The following ACSBG2 variants were observed in gnomAD, a reference collection of about 807,000 sequenced individuals.
ACSBG2 encodes long-chain-fatty-acid--CoA ligase ACSBG2.
Under a neutral mutation model 74.7 loss-of-function variants are expected in ACSBG2, and 62 were observed. That is an observed-to-expected ratio of 0.83 (90% CI 0.68 to 1.03). The LOEUF (loss-of-function observed/expected upper bound fraction) is 1.03, where lower values mean the gene tolerates loss of function less well. Ranked by LOEUF, ACSBG2 falls within the 50% of genes least tolerant of loss-of-function variation. The pLI, the probability that ACSBG2 is intolerant of heterozygous loss-of-function variation, is 0.00. For synonymous variants in ACSBG2, 309 were observed against 294.1 expected, an observed-to-expected ratio of 1.05 and a Z score of -0.52; for missense variants, 730 against 817.6, an observed-to-expected ratio of 0.89 and a Z score of 1.31.
chr19:6,143,465 A>G (rs1256122080), intron 2 of ACSBG2, among the ~76,000 whole-genome samples: 1 of 152,104 alleles, frequency 6.6e-6, no homozygotes, highest in Non-Finnish European at 1.5e-5. Context: ...AGATGATGCC[A>G]TGATGTCATC....
chr19:6,183,303 T>C (rs573323680), intron 10 of ACSBG2, 31 bp downstream of exon 10: 11 of 1,592,804 alleles, frequency 6.9e-6, no homozygotes, highest in East Asian at 2.2e-5. Context: ...CCCCTGCTCC[T>C]CCCATAACAT....
chr19:6,155,784 T>C (rs7258273), intron 4 of ACSBG2, among the ~76,000 whole-genome samples: 98,496 of 138,722 alleles, frequency 0.71, 35,023 homozygotes, highest in Admixed American at 0.74. Flanking sequence ...AGCTAGACCC[T>C]GTCTCAAAAA....
intron 2 of ACSBG2, among the ~76,000 whole-genome samples, chr19:6,142,499 TC>T (rs946125410): frequency 5.9e-5 from 9 of 151,922 alleles, no homozygotes; most frequent in African/African-American, 2.2e-4. Context: ...ACACCCGTAA[TC>T]CCAGCACTGT....
chr19:6,147,560 T>C lies in ACSBG2; in HGVS notation c.182T>C (p.Val61Ala), dbSNP rs1293537498. The change falls in exon 3 of 15, where the codon GTC (valine) becomes GCC (alanine). Residue 61 changes from valine (V) to alanine (A), a missense_variant. Coordinates refer to ENST00000588485, the MANE Select transcript of ACSBG2 (RefSeq NM_030924.5). ...MTIPEFFRES[V>A]NRFGTYPALA... ...ATCCCTGAATTTTTTCGAGAGTCAG[T>C]CAACCGATTTGGAACTTATCCAGCC... The C allele has an allele frequency of 6.2e-7, 1 of 1,614,172 alleles. No homozygotes were observed. Among genetic ancestry groups the C allele is most frequent in the Admixed American group, 1.7e-5 (1 of 60,000 alleles).
At chr19:6,153,735 C>T (rs958330331) in intron 4 of ACSBG2, among the ~76,000 whole-genome samples, 6 of 152,060 alleles carry the variant, frequency 3.9e-5, no homozygotes, top group Non-Finnish European at 7.3e-5. Context: ...GTAGTCCCAA[C>T]TACTTGGGAG....
chr19:6,161,654 G>A, intron 6 of ACSBG2: 1 of 195,406 alleles, frequency 5.1e-6, no homozygotes, highest in Non-Finnish European at 1.1e-5. Flanking sequence ...TGTGGGTGGG[G>A]CTTCATAAAT....
intron 7 of ACSBG2, among the ~76,000 whole-genome samples, chr19:6,166,558 C>A (rs2089815916): frequency 6.6e-6 from 1 of 152,140 alleles, no homozygotes. Flanking sequence ...AGGTGATCCA[C>A]CGCCTTGGCC....
intron 10 of ACSBG2, among the ~76,000 whole-genome samples, chr19:6,185,111 A>G (rs1021456098): frequency 9.2e-5 from 14 of 151,854 alleles, no homozygotes; most frequent in African/African-American, 3.4e-4. Context: ...ATTTTTGTAG[A>G]GACGGGGTCT....
At position 6,183,028 on chromosome 19, in the gene ACSBG2, C is replaced by T. The variant is rs2090304214; in HGVS notation, c.1089-11C>T. ...CAGCCCTTCTCCACTTGACGGCATTCTTATTCACAGGAAATATAATACTCC... is the reference window on the plus strand; with the variant it reads ...CAGCCCTTCTCCACTTGACGGCATTTTTATTCACAGGAAATATAATACTCC... On this transcript the variant is annotated splice_polypyrimidine_tract_variant and intron_variant, in intron 9 of 14. Coordinates refer to ENST00000588485, the MANE Select transcript of ACSBG2 (RefSeq NM_030924.5). 6.2e-7 allele frequency: 1 copy of T among 1,613,862 alleles called. No individual in the cohort carries two copies. The highest frequency in any genetic ancestry group is 1.3e-5 in the African/African-American group (1 of 74,916).
intron 1 of ACSBG2, among the ~76,000 whole-genome samples, chr19:6,138,370 G>A (rs1291613191): frequency 1.3e-5 from 2 of 151,738 alleles, no homozygotes; most frequent in African/African-American, 4.8e-5. Context: ...CAGGCTCCTG[G>A]GAGGAAGCTT....
At chr19:6,177,957 A>G (rs61482961) in intron 8 of ACSBG2, among the ~76,000 whole-genome samples, 3,093 of 151,934 alleles carry the variant, frequency 0.02, 108 homozygotes, top group African/African-American at 0.07. Context: ...TCCAAAAAAC[A>G]GGAGTTTTTG....
intron 1 of ACSBG2, among the ~76,000 whole-genome samples, chr19:6,136,327 C>T (rs908402213): frequency 4.6e-5 from 7 of 152,044 alleles, no homozygotes; most frequent in Admixed American, 2.0e-4. Context: ...CTCCTGACCT[C>T]GTGATCCACC....
At chr19:6,190,940 C>T (rs1399249416) in intron 14 of ACSBG2, 3 of 275,138 alleles carry the variant, frequency 1.1e-5, no homozygotes, top group Non-Finnish European at 2.1e-5. Flanking sequence ...TAAACTCCTT[C>T]AGCTGGCCAC....
intron 14 of ACSBG2, 84 bp downstream of exon 14, chr19:6,190,776 C>A (rs1200676376): frequency 6.7e-6 from 5 of 741,078 alleles, no homozygotes; most frequent in Non-Finnish European, 1.2e-5. Flanking sequence ...AGATCTGTGA[C>A]TGGAACTGCA....
intron 5 of ACSBG2, 102 bp downstream of exon 5, chr19:6,156,653 G>T: frequency 7.8e-7 from 1 of 1,287,032 alleles, no homozygotes; most frequent in Non-Finnish European, 1.0e-6. Flanking sequence ...TGATAAGATA[G>T]GGCCATGCAT....
chr19:6,144,164 A>T (rs564818954), intron 2 of ACSBG2, among the ~76,000 whole-genome samples: 5 of 152,126 alleles, frequency 3.3e-5, no homozygotes, highest in African/African-American at 1.2e-4. Flanking sequence ...CGCCTGGCTA[A>T]TTTTTGTATT....
At chr19:6,142,215 G>A (rs1231449467) in intron 2 of ACSBG2, among the ~76,000 whole-genome samples, 1 of 152,150 alleles carries the variant, frequency 6.6e-6, no homozygotes, top group African/African-American at 2.4e-5. Flanking sequence ...TGGTGAGCCC[G>A]AGTGGATAAA....
At chr19:6,139,214 A>G (rs1246751640) in intron 1 of ACSBG2, among the ~76,000 whole-genome samples, 1 of 151,974 alleles carries the variant, frequency 6.6e-6, no homozygotes, top group Non-Finnish European at 1.5e-5. Flanking sequence ...CGACCTCCCA[A>G]GTAGTTGGAA....
At chr19:6,190,395 C>G (rs1600145501) in intron 13 of ACSBG2, 189 bp from the exon 14 acceptor site, 1 of 560,842 alleles carries the variant, frequency 1.8e-6, no homozygotes, top group East Asian at 3.1e-5. Context: ...ATCCTCACCA[C>G]AGCTGAAGGA....
Sources: allele counts gnomAD v4.1 joint callset (sites outside exome capture counted in the v4.1 genomes callset), GRCh38; gene constraint gnomAD v4.1.1; transcripts MANE v1.5; gene names NCBI Gene and HGNC (gene_info 2026-07-23, HGNC 2026-07-21).